The following ARFGEF3 variants were observed in gnomAD, a reference collection of about 807,000 sequenced individuals.
ARFGEF3 encodes the protein brefeldin A-inhibited guanine nucleotide-exchange protein 3.
ARFGEF3 carries 96 observed loss-of-function variants against 221.7 expected under a neutral mutation model. The ratio of observed to expected loss-of-function variants is 0.43; its 90% CI spans 0.37 to 0.51. The LOEUF is 0.51. Ranked by LOEUF, ARFGEF3 falls within the 20% of genes least tolerant of loss-of-function variation. The pLI, the probability that ARFGEF3 is intolerant of heterozygous loss-of-function variation, is 0.00. For synonymous variants in ARFGEF3, 1,145 were observed against 1,126.8 expected (o/e 1.02, Z -0.32); for missense variants, 2,410 against 2,789.9 (o/e 0.86, Z 3.07).
rs763449735 is a variant in ARFGEF3 at position 138,207,065 on chromosome 6, A to G, written c.161A>G (p.Gln54Arg). 22 of 1,610,842 alleles carry G rather than the reference A, an allele frequency of 1.4e-5. No individual in the cohort carries two copies. The highest frequency in any genetic ancestry group is 1.7e-5 in the Admixed American group (1 of 59,676). ...AGGGAGAAATGCCTGCTGCCTCTCC[A>G]GTTGGCTTTGGAATCCAAGAATGTG... ...VLREKCLLPL[Q>R]LALESKNVKL... Residue 54 changes from glutamine (Q) to arginine (R), a missense_variant, in exon 3 of 34, where the codon CAG becomes CGG. Gln to Arg is a conservative substitution (Grantham distance 43). Transcript: ENST00000251691.
At chr6:138,244,478 A>C (rs1221494145) in intron 7 of ARFGEF3, among the ~76,000 whole-genome samples, 1 of 152,210 alleles carries the variant, frequency 6.6e-6, no homozygotes, top group African/African-American at 2.4e-5. Context: ...CCAGAAGAAA[A>C]ACTGAAGTTT....
chr6:138,185,914 T>C (rs1777174633), intron 2 of ARFGEF3, among the ~76,000 whole-genome samples: 1 of 152,168 alleles, frequency 6.6e-6, no homozygotes, highest in African/African-American at 2.4e-5. Flanking sequence ...ATGCATTGTC[T>C]TATCGTTTAC....
In ARFGEF3 at chr6:138,291,988, C is replaced by T. The variant is rs746419587; in HGVS notation, c.3303C>T (p.Gly1101=). The T allele has an allele frequency of 3.9e-6, 6 of 1,538,230 alleles. No individual in the cohort carries two copies. Among genetic ancestry groups the T allele is most frequent in the Non-Finnish European group, 5.2e-6 (6 of 1,146,578 alleles). The part of the protein sequence containing the change: ...GSRGRASDFR[G]GSLMSGSSAA... ...GGGGTCGGGCCTCCGACTTCCGCGG[C>T]GGGAGCCTCATGAGCGGGAGCAGCG... Residue 1101 remains glycine (G), a synonymous_variant, in exon 19 of 34, where the codon GGC becomes GGT. Coordinates refer to ENST00000251691, the MANE Select transcript of ARFGEF3 (RefSeq NM_020340.5). This position sits in a 1 kb window ranked among gnomAD's most constrained non-coding sequence, Gnocchi z 4.5.
intron 1 of ARFGEF3, among the ~76,000 whole-genome samples, chr6:138,163,759 T>C (rs1776665757): frequency 6.6e-6 from 1 of 152,056 alleles, no homozygotes; most frequent in African/African-American, 2.4e-5. Flanking sequence ...CCAGCCTGAG[T>C]GGATGTACTT....
Position 138,317,372 on chromosome 6 carries a change from A to G in ARFGEF3, c.4467A>G (p.Lys1489=). Residue 1489 remains lysine, a synonymous_variant, in exon 27 of 34, where the codon AAA becomes AAG. Transcript: ENST00000251691. ...TTGAGCTGTTGAGAGATGTGACGAAAACACCAGGTAAATATTTCTGTGTCC... is the reference window on the plus strand; with the variant it reads ...TTGAGCTGTTGAGAGATGTGACGAAGACACCAGGTAAATATTTCTGTGTCC... ...LLFELLRDVT[K]TPGPGFGIYA... is the part of the protein sequence containing the mutation. 6.2e-7 allele frequency: 1 copy of G among 1,613,918 alleles called. No homozygotes were observed. The highest frequency in any genetic ancestry group is 8.5e-7 in the Non-Finnish European group (1 of 1,179,878).
Position 138,292,003 on chromosome 6 carries a change from CG to C in ARFGEF3, c.3321del (p.Ser1108AlafsTer25). 1 of 1,530,538 alleles carries C rather than the reference CG, an allele frequency of 6.5e-7. No individual in the cohort carries two copies. 94.8% of individuals were successfully genotyped at this position (1,530,538 alleles called of 1,614,324 possible). Reference protein sequence around the residue: ...SDFRGGSLMSGSSAAKVVLTL... With the variant: ...SDFRGGSLMSXSSAAKVVLTL... ...ACTTCCGCGGCGGGAGCCTCATGAG[CG>C]GGAGCAGCGCGGCCAAGGTGGTGCT... On this transcript the variant is annotated frameshift_variant, in exon 19 of 34. Transcript: ENST00000251691. LOFTEE classifies it high-confidence loss of function.
intron 4 of ARFGEF3, among the ~76,000 whole-genome samples, chr6:138,215,668 G>A (rs1220827805): frequency 6.6e-6 from 1 of 152,032 alleles, no homozygotes; most frequent in African/African-American, 2.4e-5. Flanking sequence ...AGATGATGGA[G>A]CAGAAAAGCC....
chr6:138,201,403 A>G (rs1436158173), intron 2 of ARFGEF3, among the ~76,000 whole-genome samples: 1 of 152,194 alleles, frequency 6.6e-6, no homozygotes, highest in African/African-American at 2.4e-5. Context: ...ACAATTGCAA[A>G]ATCGTGGAAC....
chr6:138,262,754 A>G lies in ARFGEF3; in HGVS notation c.1271A>G (p.Tyr424Cys). 4 of 1,613,020 alleles carry G rather than the reference A, an allele frequency of 2.5e-6. No homozygotes were observed. The highest frequency in any genetic ancestry group is 2.2e-5 in the East Asian group (1 of 44,832). Residue 424 changes from tyrosine to cysteine, a missense_variant, in exon 12 of 34, where the codon TAT becomes TGT. Tyr to Cys is a radical substitution (Grantham distance 194). Transcript: ENST00000251691. ...ATCAAGGGTGGCATCGAAGCTTGCT[A>G]TGCAGCCGTGTCCTGTGTCTGCACC... ...ACIKGGIEAC[Y>C]AAVSCVCTLL...
At chr6:138,281,200 A>G (rs1779190085) in intron 14 of ARFGEF3, among the ~76,000 whole-genome samples, 1 of 152,208 alleles carries the variant, frequency 6.6e-6, no homozygotes, top group East Asian at 1.9e-4. Context: ...GGGGCTGGGC[A>G]GATGTCCTCA....
Position 138,291,589 on chromosome 6 carries a change from A to G in ARFGEF3, c.3048-144A>G. On this transcript the variant is annotated intron_variant, in intron 18 of 33. Transcript: ENST00000251691. The surrounding 1 kb of genome is among the most constrained non-coding windows in gnomAD (Gnocchi z 4.5). ...TGTGTGACATGAGAACACAGGAGGG[A>G]AGGACTGACTGTCATCACAGGAAAG... The G allele has an allele frequency of 2.2e-6, 1 of 456,814 alleles. No individual in the cohort carries two copies. Among genetic ancestry groups the G allele is most frequent in the Admixed American group, 4.3e-5 (1 of 23,326 alleles). The allele number at this position is 456,814 out of a possible 1,614,324, so 28.3% of individuals were successfully genotyped here. A position where few individuals can be genotyped will look rare whatever the true frequency, so the allele number is the denominator to read the frequency against.
At chr6:138,207,796 C>T (rs1322944296) in intron 3 of ARFGEF3, among the ~76,000 whole-genome samples, 3 of 152,066 alleles carry the variant, frequency 2.0e-5, no homozygotes, top group African/African-American at 4.8e-5. Context: ...TTCAGTGTGG[C>T]GATGGATAAA....
chr6:138,325,892 T>A (rs1489792385), intron 31 of ARFGEF3, among the ~76,000 whole-genome samples: 1 of 152,220 alleles, frequency 6.6e-6, no homozygotes, highest in Non-Finnish European at 1.5e-5. Context: ...ACTTGCTCTA[T>A]CAATCACCCA....
chr6:138,251,816 TG>T (rs1562367952), intron 8 of ARFGEF3, among the ~76,000 whole-genome samples: 9 of 152,172 alleles, frequency 5.9e-5, no homozygotes, highest in Non-Finnish European at 1.3e-4. Context: ...TCCTGCCATA[TG>T]GTCTCATAGA....
chr6:138,300,774 C>G (rs569980229), intron 22 of ARFGEF3, among the ~76,000 whole-genome samples: 1 of 152,086 alleles, frequency 6.6e-6, no homozygotes, highest in African/African-American at 2.4e-5. Context: ...GATCTTGAGG[C>G]AAAAGGGACA....
intron 4 of ARFGEF3, among the ~76,000 whole-genome samples, chr6:138,219,801 T>C (rs1046161774): frequency 2.6e-5 from 4 of 152,138 alleles, no homozygotes; most frequent in Non-Finnish European, 5.9e-5. Context: ...TGCGTGTGTG[T>C]GTGTGTGTGT....
intron 17 of ARFGEF3, among the ~76,000 whole-genome samples, chr6:138,287,568 T>A (rs1779319936): frequency 6.6e-6 from 1 of 152,148 alleles, no homozygotes; most frequent in African/African-American, 2.4e-5. Context: ...AAAGGGGAAA[T>A]TAAGCAGACG....
At chr6:138,290,174 CAG>C (rs756382376) in intron 18 of ARFGEF3, among the ~76,000 whole-genome samples, 18 of 152,134 alleles carry the variant, frequency 1.2e-4, no homozygotes, top group Non-Finnish European at 2.5e-4. Context: ...TTTTGAAGAA[CAG>C]GGGACAGAAC....
chr6:138,325,995 T>A lies in ARFGEF3; in HGVS notation c.5001+1841T>A, dbSNP rs575857769. ...CCTCAGCCTCCTGAGTAGCTGGGAT[T>A]ACAGGTGTGCACCACCACACCCAGC... On this transcript the variant is annotated intron_variant, in intron 31 of 33. Coordinates refer to ENST00000251691, the MANE Select transcript of ARFGEF3 (RefSeq NM_020340.5). Among the ~76,000 whole-genome samples, 681 of 152,262 alleles carry A rather than the reference T, an allele frequency of 4.5e-3. 2 individuals carry two copies. The highest frequency in any genetic ancestry group is 7.0e-3 in the Non-Finnish European group (474 of 68,020).
Sources: gnomAD v4.1 joint callset for allele counts (sites outside exome capture counted in the v4.1 genomes callset) on GRCh38, gnomAD v4.1.1 for gene constraint, Gnocchi (gnomAD v3.1) non-coding constraint, MANE v1.5 for transcripts, NCBI Gene and HGNC (gene_info 2026-07-23, HGNC 2026-07-21) for gene names.